The following DPH6 variants were observed in gnomAD, a reference collection of about 807,000 sequenced individuals.
DPH6 encodes diphthamine biosynthesis 6.
In DPH6, 33 loss-of-function variants were observed where a neutral mutation model predicts 38.2. That is an observed-to-expected ratio of 0.86 (90% CI 0.65 to 1.15). The LOEUF (loss-of-function observed/expected upper bound fraction) is 1.15, where lower values mean the gene tolerates loss of function less well. Ranked by LOEUF, DPH6 falls within the 50% of genes most tolerant of loss-of-function variation. The probability of loss-of-function intolerance (pLI) is 0.00; values close to 1 mark genes in which losing one functional copy is unlikely to be tolerated. For missense variants in DPH6, 325 were observed against 320.0 expected (o/e 1.02, Z -0.12); for synonymous variants, 108 against 103.0 (o/e 1.05, Z -0.30).
At chr15:35,436,473 ACAAAC>A (rs1566909170) in intron 5 of DPH6, among the ~76,000 whole-genome samples, 3,685 of 120,328 alleles carry the variant, frequency 0.031, 248 homozygotes, top group African/African-American at 0.14. Flanking sequence ...CTCAAACAAA[ACAAAC>A]AAAAACAAAA....
At chr15:35,224,567 A>G (rs984957503) in intron 3 of DPH6, among the ~76,000 whole-genome samples, 1 of 152,214 alleles carries the variant, frequency 6.6e-6, no homozygotes, top group Admixed American at 6.5e-5. Flanking sequence ...GTAAGTTTCA[A>G]CTTATTTGGG....
At chr15:35,298,868 C>A in intron 3 of DPH6, 1 of 995,780 alleles carries the variant, frequency 1.0e-6, no homozygotes, top group Non-Finnish European at 1.6e-6. Context: ...CTTGAGTCCT[C>A]TTCATAAGGA....
intron 6 of DPH6, among the ~76,000 whole-genome samples, chr15:35,398,140 T>C (rs895449134): frequency 6.6e-6 from 1 of 152,160 alleles, no homozygotes; most frequent in Non-Finnish European, 1.5e-5. Flanking sequence ...AATACTCTTG[T>C]AGATAGGAGT....
At chr15:35,537,977 A>C in intron 3 of DPH6, 1 of 194,652 alleles carries the variant, frequency 5.1e-6, no homozygotes, top group Admixed American at 5.7e-5. Context: ...GTTAATAAAG[A>C]GATTAAATGG....
chr15:35,469,448 A>C (rs2141122668), intron 3 of DPH6, among the ~76,000 whole-genome samples: 1 of 152,330 alleles, frequency 6.6e-6, no homozygotes, highest in East Asian at 1.9e-4. Flanking sequence ...AAGAAATCTA[A>C]GTAAGAAATG....
intron 3 of DPH6, among the ~76,000 whole-genome samples, chr15:35,311,126 A>G (rs965511711): frequency 6.6e-6 from 1 of 152,044 alleles, no homozygotes; most frequent in African/African-American, 2.4e-5. Flanking sequence ...ATACTAAAAG[A>G]GATTGGAGAA....
At chr15:35,369,555 T>C (rs1442810631), downstream of DPH6, among the ~76,000 whole-genome samples, 1 of 150,834 alleles carries the variant, frequency 6.6e-6, no homozygotes, top group Non-Finnish European at 1.5e-5. Context: ...CTGGACCCTG[T>C]GACTGAGAGG....
intron 3 of DPH6, among the ~76,000 whole-genome samples, chr15:35,288,691 A>G (rs1483929002): frequency 6.6e-6 from 1 of 152,208 alleles, no homozygotes. Context: ...TTCCAGGACA[A>G]TGCAAATTAT....
intron 3 of DPH6, chr15:35,298,715 T>A: frequency 6.3e-7 from 1 of 1,581,678 alleles, no homozygotes; most frequent in Non-Finnish European, 8.7e-7. Context: ...CCGGAAGCCG[T>A]ACTTCTGTAT....
At chr15:35,387,636 C>T (rs1295180151) in intron 6 of DPH6, among the ~76,000 whole-genome samples, 8 of 152,060 alleles carry the variant, frequency 5.3e-5, no homozygotes, top group Non-Finnish European at 1.2e-4. Flanking sequence ...TGATTTGGCT[C>T]TCTGTTTGTC....
chr15:35,202,243 C>T, the DPH6 span, among the ~76,000 whole-genome samples: 2 of 151,662 alleles, frequency 1.3e-5, no homozygotes, highest in Admixed American at 6.6e-5. Flanking sequence ...GTTTGAAAGG[C>T]CTTCATCATG....
intron 3 of DPH6, among the ~76,000 whole-genome samples, chr15:35,515,146 A>G (rs1377260664): frequency 1.3e-5 from 2 of 151,796 alleles, no homozygotes; most frequent in Non-Finnish European, 1.5e-5. Flanking sequence ...AAAAAAAAAA[A>G]GCTAATGTAT....
In DPH6 at chr15:35,536,466, C is replaced by T. The variant is rs148949260; in HGVS notation, c.312+1808G>A. ...ACATTAGCATTAATTTATGTCATAA[C>T]TGATGGTTAGCATAAAGATAATAAT... On this transcript the variant is annotated intron_variant, in intron 3 of 8. Transcript: ENST00000256538. Among the ~76,000 whole-genome samples, 4 of 152,108 alleles carry T rather than the reference C, an allele frequency of 2.6e-5. No individual in the cohort carries two copies. In the East Asian group the frequency reaches 7.7e-4, roughly 29 times the overall value.
At chr15:35,172,205 C>T in the DPH6 span, among the ~76,000 whole-genome samples, 9 of 152,086 alleles carry the variant, frequency 5.9e-5, no homozygotes, top group Non-Finnish European at 8.8e-5. Context: ...GTGCATGAAA[C>T]GGTTTGTGTA....
chr15:35,306,884 A>T (rs2052096432), intron 3 of DPH6, among the ~76,000 whole-genome samples: 1 of 152,212 alleles, frequency 6.6e-6, no homozygotes, highest in Non-Finnish European at 1.5e-5. Flanking sequence ...GAGAAAAGTC[A>T]GGAAGCAAAA....
chr15:35,165,861 G>C, the DPH6 span, among the ~76,000 whole-genome samples: 1 of 151,920 alleles, frequency 6.6e-6, no homozygotes, highest in African/African-American at 2.4e-5. Context: ...GATTTAGAAA[G>C]TTTTGAATTG....
chr15:35,502,425 T>C (rs913880424), intron 3 of DPH6, among the ~76,000 whole-genome samples: 5 of 152,044 alleles, frequency 3.3e-5, no homozygotes, highest in African/African-American at 7.2e-5. Flanking sequence ...TGTTGCCCCA[T>C]TGACAAATAA....
At chr15:35,177,051 C>T in the DPH6 span, among the ~76,000 whole-genome samples, 1 of 152,152 alleles carries the variant, frequency 6.6e-6, no homozygotes, top group African/African-American at 2.4e-5. Flanking sequence ...ATGAATGCTA[C>T]TATTCCACTA....
At chr15:35,477,734 T>C (rs1431261519) in intron 3 of DPH6, among the ~76,000 whole-genome samples, 1 of 151,936 alleles carries the variant, frequency 6.6e-6, no homozygotes, top group African/African-American at 2.4e-5. Context: ...TTGGTGTGAC[T>C]ACATGGATTT....
Sources: allele counts gnomAD v4.1 joint callset (sites outside exome capture counted in the v4.1 genomes callset), GRCh38; gene constraint gnomAD v4.1.1; transcripts MANE v1.5; gene names NCBI Gene and HGNC (gene_info 2026-07-23, HGNC 2026-07-21).